Variants in PTPRT observed in about 807,000 individuals in gnomAD.
The protein encoded by PTPRT is protein tyrosine phosphatase receptor type T.
PTPRT carries 56 observed loss-of-function variants against 176.8 expected under a neutral mutation model. That is an observed-to-expected ratio of 0.32 (90% CI 0.26 to 0.40). The LOEUF is 0.40. Among genes scored for constraint, PTPRT ranks in the 10% least tolerant of loss-of-function variants. The pLI is 1.00. For synonymous variants in PTPRT, 783 were observed against 739.0 expected (o/e 1.06, Z -0.96); for missense variants, 1,540 against 1,908.2 (o/e 0.81, Z 3.60).
intron 22 of PTPRT, among the ~76,000 whole-genome samples, chr20:42,111,328 A>G (rs1439310694): frequency 6.6e-6 from 1 of 152,198 alleles, no homozygotes; most frequent in Non-Finnish European, 1.5e-5. Flanking sequence ...TTGAAAAATC[A>G]TTTACCAAGT....
chr20:42,912,730 C>T lies in PTPRT; in HGVS notation c.89-26798G>A, dbSNP rs147916393. ...TGCATGACATAGTGTAAGAATCTAA[C>T]TTTATTTTACTTTTTAAAACACTTT... is the stretch of plus-strand genomic sequence containing the variant. On this transcript the variant is annotated intron_variant, in intron 1 of 30. Coordinates refer to ENST00000373187, the MANE Select transcript of PTPRT (RefSeq NM_007050.6). Among the ~76,000 whole-genome samples, 383 of 152,266 alleles carry T rather than the reference C, an allele frequency of 2.5e-3. 1 individual carries two copies. The highest frequency in any genetic ancestry group is 8.7e-3 in the African/African-American group (363 of 41,550).
At chr20:42,313,366 C>T (rs1216073773) in intron 12 of PTPRT, among the ~76,000 whole-genome samples, 1 of 152,124 alleles carries the variant, frequency 6.6e-6, no homozygotes, top group Non-Finnish European at 1.5e-5. Context: ...TACGGACTTA[C>T]CCTGAATTCT....
intron 11 of PTPRT, 76 bp from the exon 12 acceptor site, chr20:42,316,072 A>G: frequency 1.3e-6 from 2 of 1,503,750 alleles, no homozygotes; most frequent in Admixed American, 3.5e-5. Flanking sequence ...AATGGTGTCA[A>G]CCCAACTTCT....
intron 12 of PTPRT, among the ~76,000 whole-genome samples, chr20:42,289,333 C>T (rs1045132770): frequency 2.0e-5 from 3 of 151,850 alleles, no homozygotes; most frequent in Non-Finnish European, 4.4e-5. Flanking sequence ...ACAAAACTAT[C>T]AACAGAGTAA....
rs564236329 is a variant in PTPRT at position 42,635,414 on chromosome 20, A to G, written c.1153+42452T>C. Among the ~76,000 whole-genome samples, 409 of 152,312 alleles carry G rather than the reference A, an allele frequency of 2.7e-3. 2 individuals carry two copies. The highest frequency in any genetic ancestry group is 4.4e-3 in the Non-Finnish European group (299 of 68,028). On this transcript the variant is annotated intron_variant, in intron 7 of 30. Coordinates refer to ENST00000373187, the MANE Select transcript of PTPRT (RefSeq NM_007050.6). The stretch of plus-strand genomic sequence containing the variant: ...CAAAATTGAAGAAAAAAAAGAATAT[A>G]GGTTAAGATGAAATTCGTGAACAAG...
At chr20:42,085,287 A>G (rs889755718) in intron 28 of PTPRT, among the ~76,000 whole-genome samples, 1 of 152,080 alleles carries the variant, frequency 6.6e-6, no homozygotes, top group African/African-American at 2.4e-5. Flanking sequence ...CAACCATTTC[A>G]TAGATTGCTA....
At position 42,492,046 on chromosome 20, in the gene PTPRT, A is replaced by G. The variant is rs1422493555; in HGVS notation, c.1154-19484T>C. 2.6e-5 allele frequency among the ~76,000 whole-genome samples: 4 copies of G among 152,204 alleles called. No individual in the cohort carries two copies. In the South Asian group the frequency reaches 8.3e-4, roughly 32 times the overall value. ...TGCTCTTTTTATTCCTGAGTAGTAT[A>G]TCATGCTATAGGTGTTTTACAGCTT... On this transcript the variant is annotated intron_variant, in intron 7 of 30. Transcript: ENST00000373187.
chr20:42,453,674 C>CTT lies in PTPRT; in HGVS notation c.1451-5347_1451-5346dup, dbSNP rs576538683. 4.7e-3 allele frequency among the ~76,000 whole-genome samples: 647 copies of CTT among 136,628 alleles called. 9 individuals carry two copies. Among genetic ancestry groups the CTT allele is most frequent in the Middle Eastern group, 0.026 (7 of 268 alleles). The allele number at this position is 136,628 out of a possible 152,430, so 89.6% of individuals were successfully genotyped here. On this transcript the variant is annotated intron_variant, in intron 8 of 30. Transcript: ENST00000373187. The stretch of plus-strand genomic sequence containing the variant: ...TTTTCCTTTTTTTTCTTTTTCTTTT[C>CTT]TTTTTTTTTTTTTAAGACAGAGTTT...
At chr20:42,885,304 TCTCC>T (rs956124917) in intron 2 of PTPRT, among the ~76,000 whole-genome samples, 7 of 147,166 alleles carry the variant, frequency 4.8e-5, no homozygotes, top group Non-Finnish European at 1.0e-4. Flanking sequence ...ACTGTAGAAG[TCTCC>T]CTAAGTATAT....
At chr20:42,473,306 A>G (rs1345686909) in intron 7 of PTPRT, among the ~76,000 whole-genome samples, 2 of 152,136 alleles carry the variant, frequency 1.3e-5, no homozygotes, top group Non-Finnish European at 2.9e-5. Context: ...AGATCACCAT[A>G]CATAATGTTG....
intron 15 of PTPRT, among the ~76,000 whole-genome samples, chr20:42,215,367 C>T (rs1358511404): frequency 6.6e-6 from 1 of 152,188 alleles, no homozygotes; most frequent in Non-Finnish European, 1.5e-5. Flanking sequence ...CCCTAATTTG[C>T]AGAGTTACTG....
chr20:42,567,691 C>T (rs1400103416), intron 7 of PTPRT, among the ~76,000 whole-genome samples: 3 of 152,164 alleles, frequency 2.0e-5, no homozygotes, highest in African/African-American at 4.8e-5. Context: ...TTCACTATAC[C>T]AACCAGAATA....
At chr20:42,161,293 T>C in intron 17 of PTPRT, 59 bp downstream of exon 17, 1 of 1,593,300 alleles carries the variant, frequency 6.3e-7, no homozygotes, top group Admixed American at 1.7e-5. Context: ...AGCAAGGCTT[T>C]AGTGCCCAAA....
rs548261941 is a variant in PTPRT at position 43,099,421 on chromosome 20, C to A, written c.88+90225G>T. Among the ~76,000 whole-genome samples, 7 of 152,156 alleles carry A rather than the reference C, an allele frequency of 4.6e-5. No individual in the cohort carries two copies. In the East Asian group the frequency reaches 1.4e-3, roughly 29 times the overall value. On this transcript the variant is annotated intron_variant, in intron 1 of 30. Coordinates refer to ENST00000373187, the MANE Select transcript of PTPRT (RefSeq NM_007050.6). ...AGCAAATTAGGAGGAGGAATGGACC[C>A]CACACACAAGTCTGTGTACTCTGGG... is the stretch of plus-strand genomic sequence containing the variant.
intron 1 of PTPRT, among the ~76,000 whole-genome samples, chr20:43,131,401 T>C (rs2013642482): frequency 6.6e-6 from 1 of 152,230 alleles, no homozygotes; most frequent in Non-Finnish European, 1.5e-5. Flanking sequence ...ATTAGTAAAA[T>C]GACTTTCATG....
chr20:43,039,052 A>G (rs753031484), intron 1 of PTPRT, among the ~76,000 whole-genome samples: 113 of 152,288 alleles, frequency 7.4e-4, no homozygotes, highest in Non-Finnish European at 1.2e-3. Context: ...CAAAGTTCAA[A>G]CAAGATTTGA....
chr20:42,377,046 C>A (rs191420152), intron 9 of PTPRT, among the ~76,000 whole-genome samples: 4 of 152,138 alleles, frequency 2.6e-5, no homozygotes, highest in Non-Finnish European at 5.9e-5. Context: ...CTGTCAGATG[C>A]GTGTCTTTTG....
intron 7 of PTPRT, among the ~76,000 whole-genome samples, chr20:42,594,739 A>G (rs879912998): frequency 3.3e-5 from 5 of 152,150 alleles, no homozygotes; most frequent in Admixed American, 6.6e-5. Flanking sequence ...TCAAGCCAAG[A>G]CATATCAAAT....
intron 16 of PTPRT, among the ~76,000 whole-genome samples, chr20:42,184,281 A>T (rs897949111): frequency 2.6e-5 from 4 of 152,174 alleles, no homozygotes; most frequent in African/African-American, 9.7e-5. Flanking sequence ...GGTGTGTTAC[A>T]CCATGTCACT....
Sources: allele counts gnomAD v4.1 joint callset (sites outside exome capture counted in the v4.1 genomes callset), GRCh38; gene constraint gnomAD v4.1.1; transcripts MANE v1.5; gene names NCBI Gene and HGNC (gene_info 2026-07-23, HGNC 2026-07-21).